The following TRMT1L variants were observed in gnomAD, a reference collection of about 807,000 sequenced individuals.
TRMT1L encodes the protein tRNA (guanine(27)-N(2))-dimethyltransferase.
A neutral mutation model predicts 81.6 loss-of-function variants in TRMT1L; 28 were observed. The ratio of observed to expected loss-of-function variants is 0.34; its 90% CI spans 0.25 to 0.47. The LOEUF (loss-of-function observed/expected upper bound fraction) is 0.47. TRMT1L is among the 20% of genes least tolerant of loss of function. The pLI is 1.00. For synonymous variants in TRMT1L, 301 were observed against 303.2 expected (o/e 0.99, Z 0.07); for missense variants, 739 against 877.1 (o/e 0.84, Z 1.99).
At chr1:185,155,920 A>C (rs1334740422) in intron 1 of TRMT1L, among the ~76,000 whole-genome samples, 2 of 152,170 alleles carry the variant, frequency 1.3e-5, no homozygotes, top group African/African-American at 4.8e-5. Flanking sequence ...ACTCTTTCCT[A>C]AACTACTACT....
chr1:185,138,952 T>C (rs1652968011), intron 9 of TRMT1L, among the ~76,000 whole-genome samples: 1 of 152,148 alleles, frequency 6.6e-6, no homozygotes, highest in African/African-American at 2.4e-5. Context: ...CATGCCCAGC[T>C]AATTTTTGTA....
rs1330317803 is a variant in TRMT1L at position 185,120,058 on chromosome 1, C to A, written c.2163G>T (p.Val721=). The A allele has an allele frequency of 6.2e-7, 1 of 1,613,960 alleles. No homozygotes were observed. The highest frequency in any genetic ancestry group is 8.5e-7 in the Non-Finnish European group (1 of 1,179,902). Reference sequence around the variant, plus strand: ...AGCCACTTGCTTCTGCTTTGTCATTCACTGACATTTCAACTCTTTCAGTTA... The same window carrying A: ...AGCCACTTGCTTCTGCTTTGTCATTAACTGACATTTCAACTCTTTCAGTTA... ...DTVTERVEMS[V]NDKAEASGCR... is the part of the protein sequence containing the mutation. Residue 721 remains valine, a synonymous_variant, in exon 15 of 15, where the codon GTG becomes GTT. Transcript: ENST00000367506.
At chr1:185,155,557 C>T (rs1384577643) in intron 1 of TRMT1L, among the ~76,000 whole-genome samples, 1 of 152,100 alleles carries the variant, frequency 6.6e-6, no homozygotes, top group Non-Finnish European at 1.5e-5. Flanking sequence ...AAATATTAAA[C>T]TCAAAACTGG....
In TRMT1L at chr1:185,143,445, A is replaced by G; in HGVS notation, c.780-9T>C. 1 of 1,600,356 alleles carries G rather than the reference A, an allele frequency of 6.2e-7. No homozygotes were observed. The highest frequency in any genetic ancestry group is 1.1e-5 in the South Asian group (1 of 88,734). On this transcript the variant is annotated splice_polypyrimidine_tract_variant and intron_variant, in intron 6 of 14. Coordinates refer to ENST00000367506, the MANE Select transcript of TRMT1L (RefSeq NM_030934.5). ...TACAGAATATTAGCTGCCTAGAAGG[A>G]AATCATAATCTGAAATAACTTTACC...
chr1:185,123,346 C>A (rs1652544683), intron 13 of TRMT1L, among the ~76,000 whole-genome samples: 1 of 152,074 alleles, frequency 6.6e-6, no homozygotes, highest in Non-Finnish European at 1.5e-5. Flanking sequence ...CATTAGGGCA[C>A]TGATATTTTA....
intron 1 of TRMT1L, among the ~76,000 whole-genome samples, chr1:185,154,162 C>T (rs1653433561): frequency 6.6e-6 from 1 of 152,140 alleles, no homozygotes; most frequent in African/African-American, 2.4e-5. Context: ...ATCAGACACT[C>T]CTGCTCAAAT....
At chr1:185,136,291 C>T (rs1652898095) in intron 10 of TRMT1L, among the ~76,000 whole-genome samples, 1 of 152,020 alleles carries the variant, frequency 6.6e-6, no homozygotes, top group Non-Finnish European at 1.5e-5. Context: ...TGCCTATAGT[C>T]CCAGGTACTT....
Position 185,119,634 on chromosome 1 carries a change from C to G in TRMT1L, c.*385G>C, listed in dbSNP as rs889546933. On this transcript the variant is annotated 3_prime_UTR_variant, in exon 15 of 15. Coordinates refer to ENST00000367506, the MANE Select transcript of TRMT1L (RefSeq NM_030934.5). ...TCAGCTTCATTTTGTACACTACAAACAGGAAAACATAAACATCATGAATCA... is the reference window on the plus strand; with the variant it reads ...TCAGCTTCATTTTGTACACTACAAAGAGGAAAACATAAACATCATGAATCA... 6.2e-6 allele frequency: 1 copy of G among 162,440 alleles called. No individual in the cohort carries two copies. Among genetic ancestry groups the G allele is most frequent in the African/African-American group, 2.4e-5 (1 of 41,738 alleles). 10.1% of individuals were successfully genotyped at this position (162,440 alleles called of 1,614,324 possible). A position where few individuals can be genotyped will look rare whatever the true frequency, so the allele number is the denominator to read the frequency against.
chr1:185,124,561 T>G (rs1192770102), intron 12 of TRMT1L, among the ~76,000 whole-genome samples: 1 of 151,810 alleles, frequency 6.6e-6, no homozygotes, highest in Non-Finnish European at 1.5e-5. Flanking sequence ...GTGGTGTGCA[T>G]GCTTGTGGTC....
At chr1:185,152,527 A>G (rs1234743514) in intron 1 of TRMT1L, among the ~76,000 whole-genome samples, 1 of 152,234 alleles carries the variant, frequency 6.6e-6, no homozygotes, top group Non-Finnish European at 1.5e-5. Context: ...TATTCTTCAA[A>G]TAATGGTAAG....
chr1:185,143,819 T>G, intron 6 of TRMT1L, 87 bp downstream of exon 6: 1 of 1,174,942 alleles, frequency 8.5e-7, no homozygotes, highest in Admixed American at 3.0e-5. Flanking sequence ...AGTTCTAAAT[T>G]TTAATATATT....
chr1:185,149,845 G>T (rs1433887043), intron 3 of TRMT1L, among the ~76,000 whole-genome samples: 1 of 151,716 alleles, frequency 6.6e-6, no homozygotes, highest in Non-Finnish European at 1.5e-5. Flanking sequence ...CCCTCAAATT[G>T]TGTCATTTTT....
chr1:185,135,273 G>T (rs996261251), intron 10 of TRMT1L, among the ~76,000 whole-genome samples: 1 of 151,940 alleles, frequency 6.6e-6, no homozygotes, highest in Non-Finnish European at 1.5e-5. Context: ...AAAGTTAGCC[G>T]GGCATGATGG....
At position 185,151,335 on chromosome 1, in the gene TRMT1L, C is replaced by T. The variant is rs116539933; in HGVS notation, c.346+490G>A. ...CATACAGTACAATAGAGTATAGGTA[C>T]AATTTTTATTTTTACACTGTCTACT... On this transcript the variant is annotated intron_variant, in intron 2 of 14. Transcript: ENST00000367506. Among the ~76,000 whole-genome samples the T allele has an allele frequency of 4.5e-3, 692 of 152,090 alleles. 3 individuals are homozygous for T. Among genetic ancestry groups the T allele is most frequent in the African/African-American group, 0.016 (658 of 41,510 alleles).
chr1:185,156,536 C>A lies in TRMT1L; in HGVS notation c.177G>T (p.Leu59=). Residue 59 remains leucine, a synonymous_variant, in exon 1 of 15, where the codon CTG becomes CTT. Transcript: ENST00000367506. Reference sequence around the variant, plus strand: ...ACGGGGACAGGGCCGGAGCCTGGGCCAGGGCAGGGGCTGGGGCTGGAGCCG... The same window carrying A: ...ACGGGGACAGGGCCGGAGCCTGGGCAAGGGCAGGGGCTGGGGCTGGAGCCG... ...PASAPAPAPA[L]AQAPALSPSL... The A allele has an allele frequency of 1.2e-6, 2 of 1,612,278 alleles. No individual in the cohort carries two copies. Among genetic ancestry groups the A allele is most frequent in the Non-Finnish European group, 1.7e-6 (2 of 1,179,168 alleles).
chr1:185,125,698 T>TA (rs895605747), intron 11 of TRMT1L, among the ~76,000 whole-genome samples: 5 of 152,254 alleles, frequency 3.3e-5, no homozygotes, highest in Non-Finnish European at 7.4e-5. Flanking sequence ...GTTACCTTAA[T>TA]AAAAAAATAA....
intron 10 of TRMT1L, among the ~76,000 whole-genome samples, chr1:185,136,808 A>G (rs1220775673): frequency 6.6e-6 from 1 of 152,186 alleles, no homozygotes; most frequent in Non-Finnish European, 1.5e-5. Context: ...AGCAAACTCA[A>G]ATACATGTGG....
intron 11 of TRMT1L, among the ~76,000 whole-genome samples, chr1:185,127,346 G>C (rs190389607): frequency 5.3e-4 from 81 of 152,188 alleles, no homozygotes; most frequent in Non-Finnish European, 9.1e-4. Context: ...TCAGCACAAA[G>C]ACATTTACCA....
At chr1:185,135,895 T>C (rs751562229) in intron 10 of TRMT1L, among the ~76,000 whole-genome samples, 1 of 152,164 alleles carries the variant, frequency 6.6e-6, no homozygotes, top group Non-Finnish European at 1.5e-5. Context: ...CAATAGTTTA[T>C]TCTACAAAAT....
Sources: gnomAD v4.1 joint callset for allele counts (sites outside exome capture counted in the v4.1 genomes callset) on GRCh38, gnomAD v4.1.1 for gene constraint, MANE v1.5 for transcripts, NCBI Gene and HGNC (gene_info 2026-07-23, HGNC 2026-07-21) for gene names.